Variants in BICD1 observed in about 807,000 individuals in gnomAD.
BICD1 encodes BICD cargo adaptor 1.
Under a neutral mutation model 92.5 loss-of-function variants are expected in BICD1, and 35 were observed. That is an observed-to-expected ratio of 0.38 (90% CI 0.29 to 0.50). The LOEUF (loss-of-function observed/expected upper bound fraction) is 0.50. Among genes scored for constraint, BICD1 ranks in the 20% least tolerant of loss-of-function variants. The probability of loss-of-function intolerance (pLI) is 0.93; values close to 1 mark genes in which losing one functional copy is unlikely to be tolerated. For missense variants in BICD1, 950 were observed against 1,189.8 expected (o/e 0.80, Z 2.97); for synonymous variants, 429 against 465.1 (o/e 0.92, Z 1.00).
At chr12:32,270,738 A>G (rs1443042920) in intron 2 of BICD1, among the ~76,000 whole-genome samples, 1 of 152,240 alleles carries the variant, frequency 6.6e-6, no homozygotes, top group African/African-American at 2.4e-5. Flanking sequence ...CTTGACCCAC[A>G]AACTAAACAC....
At chr12:32,242,737 T>G (rs1054173134) in intron 2 of BICD1, among the ~76,000 whole-genome samples, 4 of 152,180 alleles carry the variant, frequency 2.6e-5, no homozygotes, top group African/African-American at 9.7e-5. Context: ...CCCTAAAGGT[T>G]TAGTGTTCCT....
intron 8 of BICD1, among the ~76,000 whole-genome samples, chr12:32,364,786 AC>A (rs58922222): frequency 0.11 from 16,597 of 152,162 alleles, 1,175 homozygotes; most frequent in East Asian, 0.3. Context: ...ACCTGTCTCT[AC>A]AAAAATTTAA....
intron 1 of BICD1, among the ~76,000 whole-genome samples, chr12:32,158,398 G>A (rs1341880106): frequency 1.3e-5 from 2 of 152,066 alleles, no homozygotes; most frequent in Admixed American, 6.5e-5. Flanking sequence ...GTGAGCCACC[G>A]TGCCTGGCCC....
intron 1 of BICD1, among the ~76,000 whole-genome samples, chr12:32,136,993 A>G (rs1942755091): frequency 6.6e-6 from 1 of 152,216 alleles, no homozygotes; most frequent in South Asian, 2.1e-4. Flanking sequence ...AGTGGCCATT[A>G]ATACCTGGAG....
intron 2 of BICD1, among the ~76,000 whole-genome samples, chr12:32,292,602 C>G (rs1025680872): frequency 6.6e-6 from 1 of 152,186 alleles, no homozygotes; most frequent in African/African-American, 2.4e-5. Flanking sequence ...GTTGCAATAG[C>G]AGTTTCTATT....
chr12:32,117,752 ATATATATT>A lies in BICD1; in HGVS notation c.213+10210_213+10217del, dbSNP rs375334731. 7.5e-3 allele frequency among the ~76,000 whole-genome samples: 782 copies of A among 104,232 alleles called. 11 individuals are homozygous for A. The highest frequency in any genetic ancestry group is 0.021 in the African/African-American group (726 of 34,726). The allele number at this position is 104,232 out of a possible 152,430, so 68.4% of individuals were successfully genotyped here. On this transcript the variant is annotated intron_variant, in intron 1 of 9. Coordinates refer to ENST00000652176, the MANE Select transcript of BICD1 (RefSeq NM_001714.4). ...CACACACACATATATATATATATAT[ATATATATT>A]TTTTTTTAAGACCATATTTCGCTCT... is the stretch of plus-strand genomic sequence containing the variant.
intron 2 of BICD1, among the ~76,000 whole-genome samples, chr12:32,230,878 C>G (rs79620141): frequency 6.6e-6 from 1 of 151,660 alleles, no homozygotes; most frequent in African/African-American, 2.4e-5. Flanking sequence ...GTGAAATTAT[C>G]ATGACTGCTG....
In BICD1 at chr12:32,216,363, G is replaced by A. The variant is rs1945362284; in HGVS notation, c.330G>A (p.Leu110=). The change falls in exon 2 of 10, where the codon TTG becomes TTA. Residue 110 remains leucine (L), a synonymous_variant. Coordinates refer to ENST00000652176, the MANE Select transcript of BICD1 (RefSeq NM_001714.4). ...SKEAYYLGKI[L]EMQNELKQSR... ...AGGCTTACTATCTGGGGAAGATCTTGGAGATGCAGAACGAGCTGAAACAGA... is the reference window on the plus strand; with the variant it reads ...AGGCTTACTATCTGGGGAAGATCTTAGAGATGCAGAACGAGCTGAAACAGA... 1 of 1,614,078 alleles carries A rather than the reference G, an allele frequency of 6.2e-7. No homozygotes were observed. The highest frequency in any genetic ancestry group is 1.1e-5 in the South Asian group (1 of 91,082).
At chr12:32,368,226 A>G (rs1939597178) in intron 9 of BICD1, among the ~76,000 whole-genome samples, 2 of 152,298 alleles carry the variant, frequency 1.3e-5, no homozygotes, top group South Asian at 4.1e-4. Context: ...TTATTTGTCA[A>G]TTTAAAAAAA....
chr12:32,193,376 G>C (rs986847432), intron 1 of BICD1, among the ~76,000 whole-genome samples: 1 of 152,130 alleles, frequency 6.6e-6, no homozygotes. Flanking sequence ...AGACATAATG[G>C]TATTATTGCA....
At position 32,328,144 on chromosome 12, in the gene BICD1, A is replaced by G; in HGVS notation, c.1689A>G (p.Leu563=). ...CCAGAGGACTTTTGTCCCCACGATT[A>G]GCCAGGCGGGGTGTGTCATCCCCGG... ...DDPRGLLSPR[L]ARRGVSSPVE... Residue 563 remains leucine (L), a synonymous_variant, in exon 5 of 10, where the codon TTA becomes TTG. Coordinates refer to ENST00000652176, the MANE Select transcript of BICD1 (RefSeq NM_001714.4). This position sits in a 1 kb window ranked among gnomAD's most constrained non-coding sequence, Gnocchi z 4.4. 1 of 1,614,198 alleles carries G rather than the reference A, an allele frequency of 6.2e-7. No homozygotes were observed. The highest frequency in any genetic ancestry group is 1.7e-5 in the Admixed American group (1 of 60,018).
chr12:32,277,987 G>A (rs1179620382), intron 2 of BICD1, among the ~76,000 whole-genome samples: 1 of 152,144 alleles, frequency 6.6e-6, no homozygotes, highest in African/African-American at 2.4e-5. Context: ...TTCCCATGGT[G>A]ATGGGAACTA....
At chr12:32,145,131 A>G (rs1345077594) in intron 1 of BICD1, among the ~76,000 whole-genome samples, 1 of 152,242 alleles carries the variant, frequency 6.6e-6, no homozygotes, top group Non-Finnish European at 1.5e-5. Flanking sequence ...ACTTTGTATT[A>G]GACTTCTACA....
At chr12:32,145,937 A>C (rs1943086451) in intron 1 of BICD1, among the ~76,000 whole-genome samples, 1 of 152,196 alleles carries the variant, frequency 6.6e-6, no homozygotes, top group African/African-American at 2.4e-5. Context: ...CTGAGCATCT[A>C]CTATATGTGA....
chr12:32,181,967 T>C (rs1944283718), intron 1 of BICD1, among the ~76,000 whole-genome samples: 1 of 152,024 alleles, frequency 6.6e-6, no homozygotes, highest in Non-Finnish European at 1.5e-5. Flanking sequence ...GTGATAGTAA[T>C]TGCTCTAAGA....
At chr12:32,302,880 A>ATTTT (rs371035402) in intron 3 of BICD1, among the ~76,000 whole-genome samples, 1,560 of 109,746 alleles carry the variant, frequency 0.014, 35 homozygotes, top group Middle Eastern at 0.021. Context: ...TCCAATGACC[A>ATTTT]TTTTTTTTTT....
intron 1 of BICD1, among the ~76,000 whole-genome samples, chr12:32,175,551 G>A (rs1023943234): frequency 6.6e-6 from 1 of 152,008 alleles, no homozygotes; most frequent in African/African-American, 2.4e-5. Flanking sequence ...TGCTGACCTC[G>A]GGTGATCCAC....
chr12:32,265,363 A>G (rs1002104657), intron 2 of BICD1, among the ~76,000 whole-genome samples: 4 of 152,148 alleles, frequency 2.6e-5, no homozygotes, highest in East Asian at 1.9e-4. Context: ...AGAAAAATGT[A>G]TAAGGTAACT....
chr12:32,276,851 A>T (rs1383954887), intron 2 of BICD1, among the ~76,000 whole-genome samples: 1 of 152,234 alleles, frequency 6.6e-6, no homozygotes, highest in African/African-American at 2.4e-5. Context: ...TAGGATTGTT[A>T]CATGGGTATA....
Sources: gnomAD v4.1 joint callset for allele counts (sites outside exome capture counted in the v4.1 genomes callset) on GRCh38, gnomAD v4.1.1 for gene constraint, Gnocchi (gnomAD v3.1) non-coding constraint, MANE v1.5 for transcripts, NCBI Gene and HGNC (gene_info 2026-07-23, HGNC 2026-07-21) for gene names.